Variants in C2 observed in about 807,000 individuals in gnomAD.
The protein encoded by C2 is complement C2, also known as C3/C5 convertase.
In C2, 64 loss-of-function variants were observed where a neutral mutation model predicts 85.2. That is an observed-to-expected ratio of 0.75 (90% CI 0.61 to 0.92). C2 has a LOEUF of 0.92. Ranked by LOEUF, C2 falls within the 40% of genes least tolerant of loss-of-function variation. The probability of loss-of-function intolerance (pLI) is 0.00; values close to 1 mark genes in which losing one functional copy is unlikely to be tolerated. For synonymous variants in C2, 311 were observed against 370.8 expected (o/e 0.84, Z 1.85); for missense variants, 820 against 971.6 (o/e 0.84, Z 2.07).
chr6:31,902,246 T>TC (rs1767390578), intron 1 of C2, among the ~76,000 whole-genome samples: 1 of 149,720 alleles, frequency 6.7e-6, no homozygotes, highest in African/African-American at 2.5e-5. Flanking sequence ...TCTTTCTCGC[T>TC]CCCCCTCCTC....
Position 31,928,756 on chromosome 6 carries a change from CCTTT to C in C2, c.282_285del (p.Phe95ArgfsTer18). On this transcript the variant is annotated frameshift_variant, in exon 3 of 18. Coordinates refer to ENST00000299367, the MANE Select transcript of C2 (RefSeq NM_000063.6). LOFTEE classifies it high-confidence loss of function. ...GCTGTGCGCTGTCCAGCCCCTGTCT[CCTTT>C]GAGAATGGCATTTATACCCCACGGC... 1 of 1,614,266 alleles carries C rather than the reference CCTTT, an allele frequency of 6.2e-7. No individual in the cohort carries two copies. Among genetic ancestry groups the C allele is most frequent in the Non-Finnish European group, 8.5e-7 (1 of 1,180,048 alleles).
upstream of C2, chr6:31,927,531 AT>A (rs758638217): frequency 4.1e-5 from 60 of 1,461,248 alleles, no homozygotes; most frequent in Admixed American, 5.6e-4. This position sits in a 1 kb window ranked among gnomAD's most constrained non-coding sequence, Gnocchi z 4.7. Flanking sequence ...CCCTATAGAT[AT>A]ATTAGCATCA....
Position 31,927,997 on chromosome 6 carries a change from T to C in C2, c.89T>C (p.Ile30Thr). The C allele has an allele frequency of 6.2e-7, 1 of 1,614,164 alleles. No homozygotes were observed. Among genetic ancestry groups the C allele is most frequent in the Non-Finnish European group, 8.5e-7 (1 of 1,180,022 alleles). The part of the protein sequence containing the change: ...SAPSCPQNVN[I>T]SGGTFTLSHG... ...CCCTCCTGCCCTCAGAACGTGAATA[T>C]CTCGGGTGGCACCTTCACCCTCAGC... is the stretch of plus-strand genomic sequence containing the variant. The change falls in exon 2 of 18, where the codon ATC (isoleucine) becomes ACC (threonine). Residue 30 changes from isoleucine (I) to threonine (T), a missense_variant. Physicochemically the swap from Ile to Thr is moderately conservative, Grantham distance 89. Coordinates refer to ENST00000299367, the MANE Select transcript of C2 (RefSeq NM_000063.6). The surrounding 1 kb of genome is among the most constrained non-coding windows in gnomAD (Gnocchi z 4.7).
intron 3 of C2, among the ~76,000 whole-genome samples, chr6:31,933,131 G>GAA (rs1170952302): frequency 6.6e-6 from 1 of 152,050 alleles, no homozygotes; most frequent in African/African-American, 2.4e-5. Context: ...GGAGACCATG[G>GAA]GGAGAGGGTG....
chr6:31,900,191 C>A (rs1767092021), upstream of C2: 1 of 1,614,062 alleles, frequency 6.2e-7, no homozygotes, highest in Non-Finnish European at 8.5e-7. This position sits in a 1 kb window ranked among gnomAD's most constrained non-coding sequence, Gnocchi z 9.7. Flanking sequence ...GTTGAGGTTG[C>A]TGCTGTGGTT....
chr6:31,923,222 C>T (rs1562575617), upstream of C2, among the ~76,000 whole-genome samples: 1 of 152,220 alleles, frequency 6.6e-6, no homozygotes, highest in Non-Finnish European at 1.5e-5. Flanking sequence ...CATGGTCCTT[C>T]CACATTCGAC....
intron 3 of C2, among the ~76,000 whole-genome samples, chr6:31,931,701 C>A (rs1769765503): frequency 6.6e-6 from 1 of 152,226 alleles, no homozygotes; most frequent in Non-Finnish European, 1.5e-5. Context: ...ATTTCTCAAT[C>A]TTTTCCCCAC....
In C2 at chr6:31,944,909, G is replaced by C. The variant is rs972245855; in HGVS notation, c.2029+56G>C. On this transcript the variant is annotated intron_variant, in intron 16 of 17. Coordinates refer to ENST00000299367, the MANE Select transcript of C2 (RefSeq NM_000063.6). The surrounding 1 kb of genome is among the most constrained non-coding windows in gnomAD (Gnocchi z 5.1). ...GGGGAAGGCCACCTGTGTCTCTGTG[G>C]CCAGCATGCATGCCAGAACACCAGT... 1 of 1,612,832 alleles carries C rather than the reference G, an allele frequency of 6.2e-7. No individual in the cohort carries two copies. Among genetic ancestry groups the C allele is most frequent in the Non-Finnish European group, 8.5e-7 (1 of 1,179,934 alleles).
chr6:31,900,296 T>G, upstream of C2: 1 of 1,612,724 alleles, frequency 6.2e-7, no homozygotes, highest in South Asian at 1.1e-5. The surrounding 1 kb of genome is among the most constrained non-coding windows in gnomAD (Gnocchi z 9.7). Context: ...TTCCGGGCAC[T>G]TGGTGCACTT....
Position 31,922,173 on chromosome 6 carries a change from G to T in C2, c.-100+2147G>T, listed in dbSNP as rs1482580686. Reference sequence around the variant, plus strand: ...AGCTGGAAGTCAGTGGAGCACCCCAGTGATAAGGCCCAAGGGATATGGTGG... The same window carrying T: ...AGCTGGAAGTCAGTGGAGCACCCCATTGATAAGGCCCAAGGGATATGGTGG... On this transcript the variant is annotated intron_variant, in intron 1 of 3. Transcript: ENST00000413154. This position sits in a 1 kb window ranked among gnomAD's most constrained non-coding sequence, Gnocchi z 4.8. 6.6e-6 allele frequency among the ~76,000 whole-genome samples: 1 copy of T among 152,158 alleles called. No individual in the cohort carries two copies. The highest frequency in any genetic ancestry group is 1.5e-5 in the Non-Finnish European group (1 of 68,020).
intron 1 of C2, among the ~76,000 whole-genome samples, chr6:31,911,930 C>CTT (rs70990289): frequency 0.094 from 11,558 of 122,820 alleles, 732 homozygotes; most frequent in South Asian, 0.14. Flanking sequence ...ATGTCTGGCC[C>CTT]TTTTTTTTTT....
intron 6 of C2, 126 bp downstream of exon 6, chr6:31,934,425 T>C (rs1327379935): frequency 7.5e-7 from 1 of 1,329,402 alleles, no homozygotes; most frequent in Non-Finnish European, 1.1e-6. Flanking sequence ...CAGATTATAC[T>C]CATGCCATGT....
chr6:31,927,516 A>C (rs1769347271), upstream of C2: 2 of 1,441,890 alleles, frequency 1.4e-6, no homozygotes, highest in Non-Finnish European at 1.8e-6. This position sits in a 1 kb window ranked among gnomAD's most constrained non-coding sequence, Gnocchi z 4.7. Flanking sequence ...GGGGAGATCT[A>C]TTGACCCTAT....
At chr6:31,900,685 G>A (rs752348148), upstream of C2, 1 of 1,611,588 alleles carries the variant, frequency 6.2e-7, no homozygotes, top group Non-Finnish European at 8.5e-7. This position sits in a 1 kb window ranked among gnomAD's most constrained non-coding sequence, Gnocchi z 9.7. Flanking sequence ...CGATGCAGAT[G>A]TCAGACACGT....
intron 1 of C2, among the ~76,000 whole-genome samples, chr6:31,902,365 T>C (rs2151695347): frequency 1.3e-5 from 2 of 151,494 alleles, no homozygotes; most frequent in Middle Eastern, 3.5e-3. Context: ...CGCTACTCGC[T>C]CCGCGTCCCC....
chr6:31,916,869 CA>C (rs9257073), upstream of C2, among the ~76,000 whole-genome samples: 11 of 78,886 alleles, frequency 1.4e-4, no homozygotes, highest in Non-Finnish European at 2.1e-4. Context: ...TCCATCTCAA[CA>C]AAAAAAAAAA....
intron 1 of C2, among the ~76,000 whole-genome samples, chr6:31,907,447 G>A (rs890941239): frequency 1.3e-5 from 2 of 151,386 alleles, no homozygotes; most frequent in Non-Finnish European, 2.9e-5. Flanking sequence ...GCTGTGGGAG[G>A]TGGTGTTGCC....
chr6:31,901,419 G>A (rs1767256241), intron 1 of C2: 12 of 1,168,256 alleles, frequency 1.0e-5, no homozygotes, highest in South Asian at 8.0e-5. Context: ...CCAGCCCCCC[G>A]GCATCCGATC....
chr6:31,913,282 CACTG>C (rs947488673), intron 1 of C2, among the ~76,000 whole-genome samples: 3 of 151,670 alleles, frequency 2.0e-5, no homozygotes, highest in Non-Finnish European at 4.4e-5. Flanking sequence ...TTGTAGATAA[CACTG>C]ACATCTTGGC....
Sources: gnomAD v4.1 joint callset for allele counts (sites outside exome capture counted in the v4.1 genomes callset) on GRCh38, gnomAD v4.1.1 for gene constraint, Gnocchi (gnomAD v3.1) non-coding constraint, MANE v1.5 for transcripts, NCBI Gene and HGNC (gene_info 2026-07-23, HGNC 2026-07-21) for gene names.